The following DLG2 variants were observed in gnomAD, a reference collection of about 807,000 sequenced individuals.
DLG2 encodes discs large MAGUK scaffold protein 2, also known as disks large homolog 2.
A neutral mutation model predicts 132.5 loss-of-function variants in DLG2; 45 were observed. The observed-to-expected ratio is 0.34, with a 90% CI of 0.27 to 0.44. The LOEUF (loss-of-function observed/expected upper bound fraction) is 0.44. DLG2 is among the 20% of genes least tolerant of loss of function. The pLI, the probability that DLG2 is intolerant of heterozygous loss-of-function variation, is 1.00. For missense variants in DLG2, 1,045 were observed against 1,196.9 expected (o/e 0.87, Z 1.87); for synonymous variants, 424 against 419.6 (o/e 1.01, Z -0.13).
chr11:84,177,871 C>A (rs1190135035), intron 8 of DLG2, among the ~76,000 whole-genome samples: 1 of 152,034 alleles, frequency 6.6e-6, no homozygotes, highest in African/African-American at 2.4e-5. Flanking sequence ...TTATTACAGA[C>A]TGGTGGAATA....
At chr11:84,912,159 ATTTAT>A (rs1215048849) in intron 6 of DLG2, among the ~76,000 whole-genome samples, 2 of 151,956 alleles carry the variant, frequency 1.3e-5, no homozygotes, top group Non-Finnish European at 2.9e-5. Context: ...TTATTTATTT[ATTTAT>A]TTTAAGACGG....
intron 16 of DLG2, among the ~76,000 whole-genome samples, chr11:83,838,296 T>C (rs968581820): frequency 1.3e-5 from 2 of 152,322 alleles, no homozygotes; most frequent in East Asian, 1.9e-4. Context: ...TACACGGATG[T>C]TCATTGTAAC....
chr11:83,651,925 C>T (rs190166490), intron 18 of DLG2: 17 of 470,392 alleles, frequency 3.6e-5, no homozygotes, highest in Non-Finnish European at 5.3e-5. Context: ...TATGTGATAT[C>T]GGCACCTTTG....
chr11:84,810,830 TC>T (rs1225009792), intron 6 of DLG2, among the ~76,000 whole-genome samples: 2 of 152,094 alleles, frequency 1.3e-5, no homozygotes, highest in Non-Finnish European at 2.9e-5. Context: ...TTAAAAAAAA[TC>T]TCAAATGTAT....
At chr11:83,812,379 C>T (rs2047539292) in intron 17 of DLG2, among the ~76,000 whole-genome samples, 1 of 152,124 alleles carries the variant, frequency 6.6e-6, no homozygotes, top group Non-Finnish European at 1.5e-5. Flanking sequence ...TCAAGACTAT[C>T]TAGTCCACAT....
intron 6 of DLG2, among the ~76,000 whole-genome samples, chr11:84,722,919 C>A (rs2061998351): frequency 6.6e-6 from 1 of 152,162 alleles, no homozygotes; most frequent in Non-Finnish European, 1.5e-5. Context: ...TCTATACGTT[C>A]TTAAATGTAC....
At chr11:84,585,218 T>C (rs556932813) in intron 6 of DLG2, among the ~76,000 whole-genome samples, 53 of 152,212 alleles carry the variant, frequency 3.5e-4, no homozygotes, top group Non-Finnish European at 1.0e-4. Flanking sequence ...CCCAGCACTA[T>C]TTAATTAACT....
chr11:84,716,863 G>A (rs1473655881), intron 6 of DLG2, among the ~76,000 whole-genome samples: 1 of 151,900 alleles, frequency 6.6e-6, no homozygotes, highest in Non-Finnish European at 1.5e-5. Context: ...TCCTCAATAG[G>A]CTTGGAATTA....
intron 10 of DLG2, among the ~76,000 whole-genome samples, chr11:84,062,055 G>A (rs992892569): frequency 1.3e-5 from 2 of 152,124 alleles, no homozygotes; most frequent in African/African-American, 4.8e-5. Context: ...ATAGAAGGGA[G>A]TGGCTGACAT....
chr11:85,232,073 C>T (rs897645099), intron 4 of DLG2, among the ~76,000 whole-genome samples: 1 of 151,768 alleles, frequency 6.6e-6, no homozygotes, highest in African/African-American at 2.4e-5. Flanking sequence ...GCTGTAAGAG[C>T]CAATATTTCT....
intron 6 of DLG2, among the ~76,000 whole-genome samples, chr11:84,915,156 T>C (rs2092376868): frequency 6.6e-6 from 1 of 152,188 alleles, no homozygotes; most frequent in Non-Finnish European, 1.5e-5. Flanking sequence ...GGGAACATGT[T>C]ACAGTGTTTT....
chr11:83,614,652 T>G (rs1009436724), intron 19 of DLG2, among the ~76,000 whole-genome samples: 3 of 151,912 alleles, frequency 2.0e-5, no homozygotes, highest in Non-Finnish European at 4.4e-5. Flanking sequence ...CTGGGGAGGT[T>G]GAGGCTGCAG....
At position 84,046,984 on chromosome 11, in the gene DLG2, G is replaced by A. The variant is rs146742466; in HGVS notation, c.919+12331C>T. Among the ~76,000 whole-genome samples the A allele has an allele frequency of 2.1e-3, 323 of 151,720 alleles. 2 individuals carry two copies. Among genetic ancestry groups the A allele is most frequent in the African/African-American group, 7.4e-3 (309 of 41,492 alleles). ...AATAGAAAGTACTGCAAGTTTTAAT[G>A]TATTGGATCTCAGTGTTCCATAGAA... On this transcript the variant is annotated intron_variant, in intron 11 of 27. Coordinates refer to ENST00000376104, the MANE Select transcript of DLG2 (RefSeq NM_001142699.3).
chr11:85,305,958 T>C (rs565781184), intron 3 of DLG2, among the ~76,000 whole-genome samples: 22 of 152,294 alleles, frequency 1.4e-4, no homozygotes, highest in Non-Finnish European at 2.8e-4. Context: ...GTAGGCAATG[T>C]AGAGAGGAAA....
chr11:85,153,686 C>T (rs989032298), intron 5 of DLG2, among the ~76,000 whole-genome samples: 1 of 151,530 alleles, frequency 6.6e-6, no homozygotes, highest in African/African-American at 2.4e-5. Flanking sequence ...CATTAAAGGT[C>T]TAAAGTTTTC....
intron 4 of DLG2, among the ~76,000 whole-genome samples, chr11:85,215,490 T>C (rs964205674): frequency 2.6e-5 from 4 of 152,136 alleles, no homozygotes; most frequent in East Asian, 1.9e-4. Flanking sequence ...CTGAAAGCAA[T>C]TGAGAAAAAG....
intron 3 of DLG2, among the ~76,000 whole-genome samples, chr11:85,466,577 T>G (rs1043114275): frequency 6.6e-6 from 1 of 152,140 alleles, no homozygotes; most frequent in Non-Finnish European, 1.5e-5. Context: ...ATCCTTTCCC[T>G]ACTTCTTGTT....
At chr11:83,976,772 ACAAT>A (rs2092283903) in intron 12 of DLG2, among the ~76,000 whole-genome samples, 1 of 151,928 alleles carries the variant, frequency 6.6e-6, no homozygotes, top group African/African-American at 2.4e-5. Flanking sequence ...AAAACTCAAA[ACAAT>A]TAAGGATTAT....
chr11:83,920,304 G>A (rs2077629296), intron 15 of DLG2, among the ~76,000 whole-genome samples: 1 of 151,744 alleles, frequency 6.6e-6, no homozygotes, highest in Non-Finnish European at 1.5e-5. Flanking sequence ...ATGAGCTGAA[G>A]GTCTACAGAA....
Sources: gnomAD v4.1 joint callset for allele counts (sites outside exome capture counted in the v4.1 genomes callset) on GRCh38, gnomAD v4.1.1 for gene constraint, MANE v1.5 for transcripts, NCBI Gene and HGNC (gene_info 2026-07-23, HGNC 2026-07-21) for gene names.